TMEM67: variants seen among roughly 807,000 people sequenced by gnomAD.
TMEM67 encodes the protein transmembrane protein 67, also known as meckelin.
In TMEM67, 124 loss-of-function variants were observed where a neutral mutation model predicts 136.6. That is an observed-to-expected ratio of 0.91 (90% CI 0.78 to 1.05). The LOEUF is 1.05. Among genes scored for constraint, TMEM67 ranks in the 50% least tolerant of loss-of-function variants. The pLI is 0.00. For synonymous variants in TMEM67, 364 were observed against 390.5 expected, an observed-to-expected ratio of 0.93 and a Z score of 0.80; for missense variants, 1,107 against 1,178.4, an observed-to-expected ratio of 0.94 and a Z score of 0.89.
intron 3 of TMEM67, chr8:93,759,963 GA>G: frequency 6.5e-7 from 1 of 1,538,682 alleles, no homozygotes. Context: ...ATGTACTTTA[GA>G]AGGAATGTAC....
At chr8:93,808,362 ATATT>A (rs1304235540) in intron 23 of TMEM67, among the ~76,000 whole-genome samples, 7 of 111,834 alleles carry the variant, frequency 6.3e-5, no homozygotes, top group East Asian at 2.2e-4. Context: ...TTATAGATAT[ATATT>A]TATCTACTAT....
rs375597348 is a variant in TMEM67, at chr8:93,809,971, CTTTTTTTT to C, written c.2764+93_2764+100del. On this transcript the variant is annotated intron_variant, in intron 26 of 27. Transcript: ENST00000453321. Reference sequence around the variant, plus strand: ...TGCTTGTAGATATTTTTCTTTTTTTCTTTTTTTTTTTTTTTTAGACGGCGTCTTGCTCT... The same window carrying C: ...TGCTTGTAGATATTTTTCTTTTTTTCTTTTTTTTAGACGGCGTCTTGCTCT... The C allele has an allele frequency of 2.9e-3, 1,737 of 588,968 alleles. 14 individuals are homozygous for C. The highest frequency in any genetic ancestry group is 3.8e-3 in the Non-Finnish European group (1,345 of 350,574). 36.5% of individuals were successfully genotyped at this position (588,968 alleles called of 1,614,324 possible).
intron 23 of TMEM67, among the ~76,000 whole-genome samples, chr8:93,805,591 A>G (rs1049458141): frequency 1.3e-5 from 2 of 151,970 alleles, no homozygotes; most frequent in Non-Finnish European, 2.9e-5. Flanking sequence ...AAAAAAAAAA[A>G]AAAAAAAGAA....
chr8:93,809,721 C>CA, intron 25 of TMEM67, 64 bp from the exon 26 acceptor site: 1 of 942,610 alleles, frequency 1.1e-6, no homozygotes, highest in Non-Finnish European at 1.7e-6. Context: ...GCTGATTTTA[C>CA]ATTAATTGCA....
chr8:93,795,370 G>A, intron 16 of TMEM67, 39 bp from the exon 17 acceptor site: 1 of 1,516,664 alleles, frequency 6.6e-7, no homozygotes, highest in Admixed American at 1.7e-5. Flanking sequence ...TATATACATG[G>A]AGTCTTAAAC....
intron 23 of TMEM67, among the ~76,000 whole-genome samples, chr8:93,805,729 A>G (rs1009559006): frequency 1.4e-4 from 21 of 152,212 alleles, no homozygotes; most frequent in African/African-American, 4.6e-4. Flanking sequence ...GTTCCTCCTT[A>G]TAGAAGAAAG....
Position 93,803,632 on chromosome 8 carries a change from G to A in TMEM67, c.2270G>A (p.Arg757Lys). The change falls in exon 22 of 28, where the codon AGA (arginine) becomes AAA (lysine). Residue 757 changes from arginine to lysine, a missense_variant. Transcript: ENST00000453321. ...QVVFFAVFYERFIEDKIRQFV... is the reference protein window; with the variant it reads ...QVVFFAVFYEKFIEDKIRQFV... Reference sequence around the variant, plus strand: ...GTGTTCTTTGCTGTCTTTTATGAGAGATTTATAGAAGATAAAATTCGACAG... The same window carrying A: ...GTGTTCTTTGCTGTCTTTTATGAGAAATTTATAGAAGATAAAATTCGACAG... The A allele has an allele frequency of 1.9e-6, 3 of 1,604,330 alleles. No homozygotes were observed. The highest frequency in any genetic ancestry group is 1.7e-5 in the Admixed American group (1 of 60,004).
intron 10 of TMEM67, 104 bp downstream of exon 10, chr8:93,781,848 T>C: frequency 1.7e-6 from 1 of 573,014 alleles, no homozygotes. Context: ...AGTTACATAC[T>C]ACAGTTGATT....
intron 23 of TMEM67, among the ~76,000 whole-genome samples, chr8:93,808,331 GATA>G (rs1292055867): frequency 2.2e-5 from 3 of 134,084 alleles, no homozygotes; most frequent in South Asian, 4.6e-4. Flanking sequence ...ATAAATTATA[GATA>G]ATAAATATAT....
chr8:93,808,343 A>T (rs998527218), intron 23 of TMEM67, among the ~76,000 whole-genome samples: 1 of 139,806 alleles, frequency 7.2e-6, no homozygotes, highest in African/African-American at 2.6e-5. Context: ...TAATAAATAT[A>T]TATATTTATT....
chr8:93,778,884 A>G (rs890728264), intron 7 of TMEM67, among the ~76,000 whole-genome samples: 1 of 152,076 alleles, frequency 6.6e-6, no homozygotes, highest in Non-Finnish European at 1.5e-5. Context: ...GTATTTCCTG[A>G]ATTTGAATGT....
At chr8:93,784,729 A>G (rs756496960) in intron 11 of TMEM67, among the ~76,000 whole-genome samples, 4 of 152,222 alleles carry the variant, frequency 2.6e-5, no homozygotes, top group Non-Finnish European at 4.4e-5. Context: ...GTAGTATGGC[A>G]TATTTAGAAA....
At chr8:93,827,738 A>G in the TMEM67 span, among the ~76,000 whole-genome samples, 1 of 151,418 alleles carries the variant, frequency 6.6e-6, no homozygotes, top group Admixed American at 6.6e-5. Context: ...GATTACAGGC[A>G]TGAGCCACCG....
chr8:93,763,964 A>T, intron 4 of TMEM67, 23 bp downstream of exon 4: 1 of 1,369,270 alleles, frequency 7.3e-7, no homozygotes, highest in Non-Finnish European at 1.0e-6. Context: ...ATGGGGGCTA[A>T]CTTCATTAAT....
intron 21 of TMEM67, among the ~76,000 whole-genome samples, chr8:93,802,601 C>A (rs145198614): frequency 4.7e-4 from 72 of 152,270 alleles, no homozygotes; most frequent in African/African-American, 1.7e-3. Context: ...CTTTAACAAC[C>A]TGTTACAGTT....
chr8:93,779,500 A>G (rs904815693), intron 7 of TMEM67, among the ~76,000 whole-genome samples: 1 of 152,054 alleles, frequency 6.6e-6, no homozygotes, highest in African/African-American at 2.4e-5. Flanking sequence ...GGTTTTACCT[A>G]CCTTTGGTCT....
intron 3 of TMEM67, 34 bp from the exon 4 acceptor site, chr8:93,763,808 A>G: frequency 7.3e-7 from 1 of 1,378,122 alleles, no homozygotes; most frequent in East Asian, 2.3e-5. Flanking sequence ...GTTTACTATG[A>G]GTTACATCTT....
At chr8:93,825,060 C>G in the TMEM67 span, among the ~76,000 whole-genome samples, 21 of 152,188 alleles carry the variant, frequency 1.4e-4, no homozygotes, top group Admixed American at 1.3e-3. Flanking sequence ...ATATCTGCCT[C>G]AAGACCGTTG....
chr8:93,765,955 G>A (rs113163019), intron 6 of TMEM67, among the ~76,000 whole-genome samples: 3,395 of 152,088 alleles, frequency 0.022, 121 homozygotes, highest in African/African-American at 0.076. Context: ...TTGAACCCTG[G>A]ATTTGCAAGT....
Sources: allele counts gnomAD v4.1 joint callset (sites outside exome capture counted in the v4.1 genomes callset), GRCh38; gene constraint gnomAD v4.1.1; transcripts MANE v1.5; gene names NCBI Gene and HGNC (gene_info 2026-07-23, HGNC 2026-07-21).